The following ALOXE3 variants were observed in gnomAD, a reference collection of about 807,000 sequenced individuals.
ALOXE3 encodes arachidonate epidermal lipoxygenase 3.
In ALOXE3, 78 loss-of-function variants were observed where a neutral mutation model predicts 87.5. That is an observed-to-expected ratio of 0.89 (90% confidence interval 0.74 to 1.08). The LOEUF (loss-of-function observed/expected upper bound fraction) is 1.08. Among genes scored for constraint, ALOXE3 ranks in the 50% least tolerant of loss-of-function variants. The pLI, the probability that ALOXE3 is intolerant of heterozygous loss-of-function variation, is 0.00. For missense variants in ALOXE3, 946 were observed against 912.4 expected (o/e 1.04, Z -0.47); for synonymous variants, 363 against 370.8 (o/e 0.98, Z 0.24).
intron 11 of ALOXE3, 120 bp downstream of exon 11, chr17:8,109,796 G>T: frequency 1.0e-6 from 1 of 996,876 alleles, no homozygotes; most frequent in Non-Finnish European, 1.5e-6. Flanking sequence ...GATTGTACAG[G>T]TGTTCTCACA....
chr17:8,110,441 G>C lies in ALOXE3; in HGVS notation c.1045C>G (p.Pro349Ala). 6.2e-7 allele frequency: 1 copy of C among 1,613,138 alleles called. No individual in the cohort carries two copies. The highest frequency in any genetic ancestry group is 8.5e-7 in the Non-Finnish European group (1 of 1,179,526). Reference protein sequence around the residue: ...LNGRQQYVAAPLCLLWLSPQG... With the variant: ...LNGRQQYVAAALCLLWLSPQG... ...GGGCTGAGCCACAGCAGGCACAGTG[G>C]GGCGGCCACGTACTGCTGGCGGCCG... The change falls in exon 9 of 16, where the codon CCA (proline) becomes GCA (alanine). Residue 349 changes from proline to alanine, a missense_variant. Transcript: ENST00000448843.
chr17:8,109,790 GTAC>G (rs1979862236), intron 11 of ALOXE3, 123 bp downstream of exon 11: 1 of 950,900 alleles, frequency 1.1e-6, no homozygotes, highest in Non-Finnish European at 1.6e-6. Context: ...GGCAGTGATT[GTAC>G]AGGTGTTCTC....
rs1978544831 is a variant in ALOXE3 at position 8,096,448 on chromosome 17, C to G, written c.*179G>C. On this transcript the variant is annotated 3_prime_UTR_variant, in exon 16 of 16. Coordinates refer to ENST00000448843, the MANE Select transcript of ALOXE3 (RefSeq NM_021628.3). ...TGGACGCTGCTGTGCTGGTCTCTCA[C>G]AGCTCAGGGCCCAGTTTGTATGATG... 3 of 633,390 alleles carry G rather than the reference C, an allele frequency of 4.7e-6. No homozygotes were observed. Among genetic ancestry groups the G allele is most frequent in the Non-Finnish European group, 8.6e-6 (3 of 349,658 alleles). The allele number at this position is 633,390 out of a possible 1,614,324, so 39.2% of individuals were successfully genotyped here. A position where few individuals can be genotyped will look rare whatever the true frequency, so the allele number is the denominator to read the frequency against.
Position 8,118,495 on chromosome 17 carries a change from T to C in ALOXE3, c.-323A>G. On this transcript the variant is annotated 5_prime_UTR_variant, in exon 1 of 16. An upstream open reading frame in the 5' UTR loses its in-frame stop. Coordinates refer to ENST00000448843, the MANE Select transcript of ALOXE3 (RefSeq NM_021628.3). ...GATGAGCACAGGGCACCTGCATTCCTACGTGTGAATCATCCGTGTGAATCA... is the reference window on the plus strand; with the variant it reads ...GATGAGCACAGGGCACCTGCATTCCCACGTGTGAATCATCCGTGTGAATCA... 6.5e-7 allele frequency: 1 copy of C among 1,543,028 alleles called. No homozygotes were observed. Among genetic ancestry groups the C allele is most frequent in the Non-Finnish European group, 8.7e-7 (1 of 1,145,084 alleles).
rs1979561582 is a variant in ALOXE3 at position 8,107,938 on chromosome 17, AAAGAAAGAAAGAAAGAAAGAAAGGAAG to A, written c.1684+503_1684+529del. The stretch of plus-strand genomic sequence containing the variant: ...GAAAGAAAGAAAGAAAGAAAGAAAG[AAAGAAAGAAAGAAAGAAAGAAAGGAAG>A]GAGAGAGAGAGAGAGAGAAAGAAAG... On this transcript the variant is annotated intron_variant, in intron 13 of 15. Coordinates refer to ENST00000448843, the MANE Select transcript of ALOXE3 (RefSeq NM_021628.3). Among the ~76,000 whole-genome samples the A allele has an allele frequency of 5.7e-3, 29 of 5,054 alleles. 7 individuals carry two copies. The highest frequency in any genetic ancestry group is 0.015 in the Admixed American group (9 of 592). The allele number at this position is 5,054 out of a possible 152,430, so 3.3% of individuals were successfully genotyped here. A position where few individuals can be genotyped will look rare whatever the true frequency, so the allele number is the denominator to read the frequency against.
chr17:8,107,913 GAAA>G (rs1598204652), intron 13 of ALOXE3, among the ~76,000 whole-genome samples: 9 of 5,936 alleles, frequency 1.5e-3, no homozygotes, highest in African/African-American at 2.3e-3. Flanking sequence ...AAGAAAGAAA[GAAA>G]GAAAGAAAGA....
intron 6 of ALOXE3, among the ~76,000 whole-genome samples, chr17:8,113,210 C>T (rs570054603): frequency 6.6e-6 from 1 of 152,302 alleles, no homozygotes; most frequent in South Asian, 2.1e-4. Context: ...GGATCTTTCA[C>T]ACTCATCATT....
rs551030842 is a variant in ALOXE3 at position 8,114,619 on chromosome 17, G to A, written c.555-10C>T. 3.2e-5 allele frequency: 51 copies of A among 1,613,786 alleles called. No homozygotes were observed. The African/African-American group carries it at 3.7e-4, about 12-fold the overall frequency. On this transcript the variant is annotated splice_polypyrimidine_tract_variant and intron_variant, in intron 5 of 15. Transcript: ENST00000448843. ...GTACCGATTCCCACTGCTGGGGGTC[G>A]GGGGAGTAGAAAGACAGAAACCAGT...
intron 13 of ALOXE3, among the ~76,000 whole-genome samples, chr17:8,107,893 GA>G (rs1567996324): frequency 2.3e-4 from 1 of 4,326 alleles, no homozygotes; most frequent in South Asian, 4.6e-3. Flanking sequence ...AAGAAAGAAA[GA>G]AAGAAAGAAA....
At chr17:8,118,579 G>A, upstream of ALOXE3, 5 of 1,528,402 alleles carry the variant, frequency 3.3e-6, no homozygotes, top group South Asian at 1.2e-5. Flanking sequence ...CCACACGCAG[G>A]TGAGTCGCAC....
At chr17:8,109,847 C>G in intron 11 of ALOXE3, 69 bp downstream of exon 11, 1 of 1,468,512 alleles carries the variant, frequency 6.8e-7, no homozygotes, top group East Asian at 2.5e-5. Flanking sequence ...CAGAACAGGG[C>G]TTGGGGGCGG....
rs1381168698 is a variant in ALOXE3 at position 8,109,924 on chromosome 17, C to T, written c.1384G>A (p.Val462Met). 1 of 1,550,272 alleles carries T rather than the reference C, an allele frequency of 6.5e-7. No homozygotes were observed. Among genetic ancestry groups the T allele is most frequent in the Non-Finnish European group, 8.7e-7 (1 of 1,146,374 alleles). The part of the protein sequence containing the change: ...RATLLNPEGL[V>M]DQVTSIGRQG... ...CGGCAGGGAGGCCGCACCTGGTCCA[C>T]GAGGCCCTCGGGGTTGAGCAGCGTG... is the stretch of plus-strand genomic sequence containing the variant. The change falls in exon 11 of 16, where the codon GTG (valine) becomes ATG (methionine). Residue 462 changes from valine to methionine, a missense_variant. Coordinates refer to ENST00000448843, the MANE Select transcript of ALOXE3 (RefSeq NM_021628.3).
rs1465011815 is a variant in ALOXE3 at position 8,109,283 on chromosome 17, T to C, written c.1453A>G (p.Thr485Ala). Residue 485 changes from threonine to alanine, a missense_variant, in exon 12 of 16, where the codon ACC becomes GCC. Thr to Ala is a moderately conservative substitution (Grantham distance 58). Transcript: ENST00000448843. ...YLMSTGLAHF[T>A]YTNFCLPDSL... ...TCCGGAAGGCAGAAATTGGTGTAGGTGAAGTGGGCCAGGCCCGTGCTCATG... is the reference window on the plus strand; with the variant it reads ...TCCGGAAGGCAGAAATTGGTGTAGGCGAAGTGGGCCAGGCCCGTGCTCATG... 6.2e-7 allele frequency: 1 copy of C among 1,613,976 alleles called. No homozygotes were observed. Among genetic ancestry groups the C allele is most frequent in the South Asian group, 1.1e-5 (1 of 91,080 alleles).
At chr17:8,116,680 A>G in intron 3 of ALOXE3, 96 bp downstream of exon 3, 1 of 1,434,378 alleles carries the variant, frequency 7.0e-7, no homozygotes, top group Non-Finnish European at 9.7e-7. Context: ...TTCTGACCTC[A>G]ATCTTATTCC....
rs1414766276 is a variant in ALOXE3 at position 8,114,624 on chromosome 17, A to G, written c.555-15T>C. 1.9e-6 allele frequency: 3 copies of G among 1,613,534 alleles called. No homozygotes were observed. Among genetic ancestry groups the G allele is most frequent in the Non-Finnish European group, 2.5e-6 (3 of 1,179,882 alleles). Reference sequence around the variant, plus strand: ...GATTCCCACTGCTGGGGGTCGGGGGAGTAGAAAGACAGAAACCAGTCAGTG... The same window carrying G: ...GATTCCCACTGCTGGGGGTCGGGGGGGTAGAAAGACAGAAACCAGTCAGTG... On this transcript the variant is annotated splice_polypyrimidine_tract_variant and intron_variant, in intron 5 of 15. Transcript: ENST00000448843.
intron 13 of ALOXE3, among the ~76,000 whole-genome samples, chr17:8,105,525 A>C (rs1006911824): frequency 3.9e-5 from 6 of 152,172 alleles, no homozygotes; most frequent in African/African-American, 1.4e-4. Context: ...AAGAATGTTA[A>C]GCTCAACTAA....
chr17:8,108,063 GA>G (rs1286818689), intron 13 of ALOXE3, among the ~76,000 whole-genome samples: 13 of 149,994 alleles, frequency 8.7e-5, no homozygotes, highest in African/African-American at 1.2e-4. Context: ...AAGAAAGAAA[GA>G]AAGGAAGAGA....
intron 13 of ALOXE3, among the ~76,000 whole-genome samples, chr17:8,106,830 A>G (rs1979349994): frequency 1.3e-5 from 2 of 152,200 alleles, no homozygotes; most frequent in Non-Finnish European, 2.9e-5. Flanking sequence ...TCATTGAAAG[A>G]GCTGTTGTCA....
At chr17:8,098,975 C>T (rs1288733194) in intron 15 of ALOXE3, among the ~76,000 whole-genome samples, 1 of 151,360 alleles carries the variant, frequency 6.6e-6, no homozygotes, top group Non-Finnish European at 1.5e-5. Context: ...CTCAGCCACC[C>T]GAGTAGCTGG....
Sources: gnomAD v4.1 joint callset for allele counts (sites outside exome capture counted in the v4.1 genomes callset) on GRCh38, gnomAD v4.1.1 for gene constraint, MANE v1.5 for transcripts, NCBI Gene and HGNC (gene_info 2026-07-23, HGNC 2026-07-21) for gene names.